The following TTC12 variants were observed in gnomAD, a reference collection of about 807,000 sequenced individuals.
TTC12 encodes the protein tetratricopeptide repeat protein 12.
TTC12 carries 70 observed loss-of-function variants against 90.1 expected under a neutral mutation model. That is an observed-to-expected ratio of 0.78 (90% CI 0.64 to 0.95). TTC12 has a LOEUF of 0.95. Ranked by LOEUF, TTC12 falls within the 40% of genes least tolerant of loss-of-function variation. The pLI is 0.00. For missense variants in TTC12, 819 were observed against 846.1 expected (o/e 0.97, Z 0.40); for synonymous variants, 296 against 311.5 (o/e 0.95, Z 0.53).
At chr11:113,334,568 A>G (rs549637615) in intron 7 of TTC12, among the ~76,000 whole-genome samples, 1 of 151,940 alleles carries the variant, frequency 6.6e-6, no homozygotes, top group Non-Finnish European at 1.5e-5. Context: ...GAGAGCTTAA[A>G]AAATTATTGA....
In TTC12 at chr11:113,362,404, GCT is replaced by G; in HGVS notation, c.1619_1620del (p.Ala540GlyfsTer16). On this transcript the variant is annotated frameshift_variant, in exon 19 of 22. Coordinates refer to ENST00000529221, the MANE Select transcript of TTC12 (RefSeq NM_017868.4). LOFTEE classifies it high-confidence loss of function. Reference protein sequence around the residue: ...NSQDGGILTRAAGVLSRTLSS... With the variant: ...NSQDGGILTRXAGVLSRTLSS... ...ATCCTCTTTCTGCTGTACTCAGAGA[GCT>G]GCTGGTGTTCTGAGCCGGACCCTTT... 6.2e-7 allele frequency: 1 copy of G among 1,611,542 alleles called. No individual in the cohort carries two copies. The highest frequency in any genetic ancestry group is 8.5e-7 in the Non-Finnish European group (1 of 1,177,658).
rs782587661 is a variant in TTC12, at chr11:113,339,482, A to G, written c.826+8A>G. On this transcript the variant is annotated splice_region_variant and intron_variant, in intron 10 of 21. Coordinates refer to ENST00000529221, the MANE Select transcript of TTC12 (RefSeq NM_017868.4). Reference sequence around the variant, plus strand: ...CTGAAATGATAAATGAGTGTAAGCCAGAGATGTGTGTGATCTCATGAGTGC... The same window carrying G: ...CTGAAATGATAAATGAGTGTAAGCCGGAGATGTGTGTGATCTCATGAGTGC... The G allele has an allele frequency of 1.2e-6, 2 of 1,606,612 alleles. No individual in the cohort carries two copies.
chr11:113,342,380 C>A (rs1198164544), intron 12 of TTC12, among the ~76,000 whole-genome samples: 1 of 152,186 alleles, frequency 6.6e-6, no homozygotes, highest in African/African-American at 2.4e-5. Flanking sequence ...ATTTACTGTG[C>A]TAACTCTTAG....
intron 14 of TTC12, 82 bp from the exon 15 acceptor site, chr11:113,351,157 A>G: frequency 7.5e-7 from 1 of 1,339,710 alleles, no homozygotes; most frequent in Non-Finnish European, 1.1e-6. Context: ...TAGAGTTTGC[A>G]ACATTAACTA....
chr11:113,372,272 G>T (rs1486708716), intron 21 of TTC12, among the ~76,000 whole-genome samples: 1 of 152,222 alleles, frequency 6.6e-6, no homozygotes, highest in Admixed American at 6.5e-5. Context: ...AAAGACAGGT[G>T]CTGGATTTAG....
intron 19 of TTC12, among the ~76,000 whole-genome samples, chr11:113,363,283 A>G (rs1435387841): frequency 2.6e-5 from 4 of 152,118 alleles, no homozygotes; most frequent in Non-Finnish European, 4.4e-5. Context: ...AACCCACCAA[A>G]AGCTCCTGAT....
chr11:113,344,201 A>G, intron 12 of TTC12, 71 bp from the exon 13 acceptor site: 1 of 1,502,278 alleles, frequency 6.7e-7, no homozygotes. Context: ...TCCCATTAGG[A>G]TAGAGGGTGA....
At chr11:113,350,291 T>G (rs922242708) in intron 14 of TTC12, 126 bp downstream of exon 14, 1 of 712,554 alleles carries the variant, frequency 1.4e-6, no homozygotes, top group Non-Finnish European at 2.3e-6. Context: ...CAAGATTCAC[T>G]GAGTAGGAGG....
At chr11:113,368,070 G>T (rs537039742), downstream of TTC12, 6 of 777,058 alleles carry the variant, frequency 7.7e-6, no homozygotes, top group Non-Finnish European at 1.1e-5. Flanking sequence ...TTCAGGCCCC[G>T]CCTTCCCCTG....
At chr11:113,347,007 G>T (rs575521452) in intron 13 of TTC12, among the ~76,000 whole-genome samples, 1 of 152,130 alleles carries the variant, frequency 6.6e-6, no homozygotes, top group Non-Finnish European at 1.5e-5. Context: ...GGGACACACC[G>T]TCCTCTCTAG....
At position 113,362,483 on chromosome 11, in the gene TTC12, A is replaced by T. The variant is rs1196176551; in HGVS notation, c.1697A>T (p.Lys566Ile). 1 of 1,611,914 alleles carries T rather than the reference A, an allele frequency of 6.2e-7. No homozygotes were observed. The highest frequency in any genetic ancestry group is 8.5e-7 in the Non-Finnish European group (1 of 1,177,942). The change falls in exon 19 of 22, where the codon AAA (lysine) becomes ATA (isoleucine). Residue 566 changes from lysine (K) to isoleucine (I), a missense_variant. Physicochemically the swap from Lys to Ile is moderately radical, Grantham distance 102 (BLOSUM62 -3). Transcript: ENST00000529221. ...EEALRAGVVK[K>I]MMKFLKTGGE... The stretch of plus-strand genomic sequence containing the variant: ...GCCTTGCGAGCAGGAGTGGTAAAGA[A>T]AATGATGAAATTCCTGAAGGTAAGA...
At chr11:113,324,352 CT>C (rs1947549740) in intron 4 of TTC12, 1 of 548,340 alleles carries the variant, frequency 1.8e-6, no homozygotes, top group Non-Finnish European at 3.2e-6. Flanking sequence ...AAGAAAAACT[CT>C]TTTAAAAGAC....
chr11:113,342,037 C>A (rs779424837), intron 12 of TTC12, 112 bp downstream of exon 12: 3 of 862,004 alleles, frequency 3.5e-6, no homozygotes, highest in South Asian at 1.4e-5. Context: ...GATGTCTAGA[C>A]TTCCGCACAC....
At chr11:113,339,141 C>T in intron 9 of TTC12, 145 bp from the exon 10 acceptor site, 1 of 703,892 alleles carries the variant, frequency 1.4e-6, no homozygotes, top group Non-Finnish European at 2.3e-6. Flanking sequence ...TAAAATTTTC[C>T]TTGCTAACGA....
chr11:113,353,794 C>T (rs1949457196), intron 16 of TTC12, among the ~76,000 whole-genome samples: 2 of 151,976 alleles, frequency 1.3e-5, no homozygotes, highest in South Asian at 2.1e-4. Context: ...CTTATTTCTG[C>T]GTTCTTTATT....
Position 113,316,322 on chromosome 11 carries a change from A to T in TTC12, c.58+7A>T. 1 of 1,360,942 alleles carries T rather than the reference A, an allele frequency of 7.3e-7. No homozygotes were observed. Among genetic ancestry groups the T allele is most frequent in the Non-Finnish European group, 9.8e-7 (1 of 1,017,436 alleles). 84.3% of individuals were successfully genotyped at this position (1,360,942 alleles called of 1,614,324 possible). A position where few individuals can be genotyped will look rare whatever the true frequency, so the allele number is the denominator to read the frequency against. On this transcript the variant is annotated splice_region_variant and intron_variant, in intron 2 of 21. Coordinates refer to ENST00000529221, the MANE Select transcript of TTC12 (RefSeq NM_017868.4). The stretch of plus-strand genomic sequence containing the variant: ...AAAAATGTGGATGAAATCTGTAAGT[A>T]CTAGTAAATCATAAATTAATTTCTG...
At chr11:113,357,131 C>CT (rs1429053899) in intron 16 of TTC12, among the ~76,000 whole-genome samples, 4 of 152,062 alleles carry the variant, frequency 2.6e-5, no homozygotes, top group Admixed American at 6.5e-5. Context: ...CCTTTTTATT[C>CT]TTTTTTTATC....
At chr11:113,321,174 G>A (rs1290040621) in intron 2 of TTC12, among the ~76,000 whole-genome samples, 2 of 152,114 alleles carry the variant, frequency 1.3e-5, no homozygotes, top group African/African-American at 4.8e-5. Flanking sequence ...TCAGCGAAAT[G>A]CAAATTAAAA....
chr11:113,342,016 C>A, intron 12 of TTC12, 91 bp downstream of exon 12: 1 of 1,130,840 alleles, frequency 8.8e-7, no homozygotes, highest in Non-Finnish European at 1.3e-6. Flanking sequence ...AAGGCCAGGC[C>A]CTGGAAAGCT....
Sources: allele counts gnomAD v4.1 joint callset (sites outside exome capture counted in the v4.1 genomes callset), GRCh38; gene constraint gnomAD v4.1.1; transcripts MANE v1.5; gene names NCBI Gene and HGNC (gene_info 2026-07-23, HGNC 2026-07-21).